The following ZNF521 variants were observed in gnomAD, a reference collection of about 807,000 sequenced individuals.
ZNF521 encodes the protein zinc finger protein 521, also known as LYST-interacting protein 3.
In ZNF521, 14 loss-of-function variants were observed where a neutral mutation model predicts 105.5. The observed-to-expected ratio is 0.13, with a 90% CI of 0.09 to 0.21. ZNF521 has a LOEUF of 0.21. ZNF521 is among the 10% of genes least tolerant of loss of function. The pLI is 1.00. For missense variants in ZNF521, 1,233 were observed against 1,629.7 expected (o/e 0.76, Z 4.19); for synonymous variants, 635 against 606.0 (o/e 1.05, Z -0.70).
intron 3 of ZNF521, among the ~76,000 whole-genome samples, chr18:25,250,647 C>A (rs565268192): frequency 1.3e-5 from 2 of 152,242 alleles, no homozygotes; most frequent in African/African-American, 4.8e-5. Flanking sequence ...TAGTGAACTC[C>A]GATGTTATCA....
chr18:25,157,370 C>T (rs8094859), intron 5 of ZNF521, among the ~76,000 whole-genome samples: 62,902 of 152,004 alleles, frequency 0.41, 13,267 homozygotes, highest in South Asian at 0.58. Context: ...GGTATTCACA[C>T]ACAAAGATAG....
chr18:25,091,816 T>A, intron 6 of ZNF521, 134 bp downstream of exon 6: 3 of 1,113,508 alleles, frequency 2.7e-6, no homozygotes, highest in Non-Finnish European at 3.7e-6. Context: ...AAAGCAGAAA[T>A]CAAACATCTT....
chr18:25,172,647 C>T (rs538683898), intron 5 of ZNF521, among the ~76,000 whole-genome samples: 40 of 152,182 alleles, frequency 2.6e-4, no homozygotes, highest in African/African-American at 7.9e-4. Context: ...TTACTAAATG[C>T]GTTTTAGAGT....
Position 25,227,079 on chromosome 18 carries a change from G to C in ZNF521, c.839C>G (p.Ala280Gly), listed in dbSNP as rs750181504. The change falls in exon 4 of 8, where the codon GCC becomes GGC. Residue 280 changes from alanine to glycine, a missense_variant. This residue lies in a region of ZNF521 where 380 missense variants were observed against 478.0 expected (regional missense o/e 0.80). Coordinates refer to ENST00000361524, the MANE Select transcript of ZNF521 (RefSeq NM_015461.3). This position sits in a 1 kb window ranked among gnomAD's most constrained non-coding sequence, Gnocchi z 5.7. ...CTCGTGGCAGTAGACACACTGGAGGGCCGCTCGGTCCTCATTTGGGGAGCA... is the reference window on the plus strand; with the variant it reads ...CTCGTGGCAGTAGACACACTGGAGGCCCGCTCGGTCCTCATTTGGGGAGCA... ...PECSPNEDRAALQCVYCHELF... is the reference protein window; with the variant it reads ...PECSPNEDRAGLQCVYCHELF... 6.2e-7 allele frequency: 1 copy of C among 1,614,128 alleles called. No individual in the cohort carries two copies. Among genetic ancestry groups the C allele is most frequent in the South Asian group, 1.1e-5 (1 of 91,078 alleles).
At chr18:25,152,895 G>A (rs1428042389) in intron 5 of ZNF521, among the ~76,000 whole-genome samples, 2 of 152,154 alleles carry the variant, frequency 1.3e-5, no homozygotes, top group African/African-American at 2.4e-5. Flanking sequence ...CAGAGCTACT[G>A]CTTTTCTACA....
At chr18:25,280,701 T>C (rs1252407645) in intron 3 of ZNF521, among the ~76,000 whole-genome samples, 1 of 152,216 alleles carries the variant, frequency 6.6e-6, no homozygotes, top group Non-Finnish European at 1.5e-5. Context: ...TAAATGTTGA[T>C]ATCACCCTTA....
intron 5 of ZNF521, among the ~76,000 whole-genome samples, chr18:25,097,015 C>A (rs1461964078): frequency 6.6e-6 from 1 of 152,124 alleles, no homozygotes; most frequent in Non-Finnish European, 1.5e-5. Flanking sequence ...TATGCCCTAA[C>A]CCAATTCCCA....
At chr18:25,135,339 C>T (rs2034713985) in intron 5 of ZNF521, among the ~76,000 whole-genome samples, 1 of 150,398 alleles carries the variant, frequency 6.6e-6, no homozygotes, top group African/African-American at 2.5e-5. Context: ...TAATGCAACT[C>T]CTTGAGGCTA....
intron 3 of ZNF521, among the ~76,000 whole-genome samples, chr18:25,299,455 T>C (rs1023695544): frequency 6.6e-6 from 1 of 152,198 alleles, no homozygotes; most frequent in African/African-American, 2.4e-5. Flanking sequence ...TTCAAGATTA[T>C]GGTAACTATG....
At chr18:25,271,455 G>C (rs1909654885) in intron 3 of ZNF521, among the ~76,000 whole-genome samples, 1 of 152,158 alleles carries the variant, frequency 6.6e-6, no homozygotes, top group Admixed American at 6.5e-5. Context: ...AGCCTGCATA[G>C]CCATGACAAT....
chr18:25,253,870 G>A (rs1301401454), intron 3 of ZNF521, among the ~76,000 whole-genome samples: 1 of 152,060 alleles, frequency 6.6e-6, no homozygotes, highest in African/African-American at 2.4e-5. Context: ...ATGTGGGGGG[G>A]AACTATTTGC....
intron 3 of ZNF521, among the ~76,000 whole-genome samples, chr18:25,296,492 C>T (rs770673843): frequency 6.6e-6 from 1 of 152,118 alleles, no homozygotes; most frequent in East Asian, 1.9e-4. Flanking sequence ...TCTAATAGAA[C>T]CCCATCGCTG....
intron 5 of ZNF521, among the ~76,000 whole-genome samples, chr18:25,144,315 C>G (rs988368784): frequency 6.6e-6 from 1 of 152,096 alleles, no homozygotes; most frequent in African/African-American, 2.4e-5. Context: ...TTTTAGCCAC[C>G]CCATGCAGAT....
intron 7 of ZNF521, among the ~76,000 whole-genome samples, chr18:25,070,452 C>A (rs912938977): frequency 6.6e-6 from 1 of 152,142 alleles, no homozygotes; most frequent in African/African-American, 2.4e-5. Flanking sequence ...TCATCCAAAG[C>A]AACCTAGAAG....
chr18:25,131,512 C>T (rs1158887805), intron 5 of ZNF521, among the ~76,000 whole-genome samples: 3 of 152,156 alleles, frequency 2.0e-5, no homozygotes, highest in Non-Finnish European at 4.4e-5. Flanking sequence ...TTTTCCTGTG[C>T]TCCAGTTGAT....
chr18:25,240,432 G>A lies in ZNF521; in HGVS notation c.221-12735C>T, dbSNP rs754687526. ...ACTAAAGGAGAGTAAGGGAAAGTGG[G>A]GAACAGTAGTCAAGAGACAAGGAAC... On this transcript the variant is annotated intron_variant, in intron 3 of 7. Coordinates refer to ENST00000361524, the MANE Select transcript of ZNF521 (RefSeq NM_015461.3). Among the ~76,000 whole-genome samples the A allele has an allele frequency of 2.3e-4, 35 of 152,104 alleles. 1 individual carries two copies. The highest frequency in any genetic ancestry group is 4.7e-4 in the Non-Finnish European group (32 of 68,014).
Position 25,226,606 on chromosome 18 carries a change from T to C in ZNF521, c.1312A>G (p.Ile438Val). 1.2e-6 allele frequency: 2 copies of C among 1,614,138 alleles called. No individual in the cohort carries two copies. The highest frequency in any genetic ancestry group is 1.7e-6 in the Non-Finnish European group (2 of 1,180,012). ...MHLDKPEQAH[I>V]CQYCLEVLPS... ...AGGACCTCCAAGCAATACTGACAAA[T>C]ATGGGCCTGTTCTGGCTTATCTAAG... Residue 438 changes from isoleucine (I) to valine (V), a missense_variant, in exon 4 of 8, where the codon ATT (isoleucine) becomes GTT (valine). Physicochemically the swap from Ile to Val is conservative, Grantham distance 29. Coordinates refer to ENST00000361524, the MANE Select transcript of ZNF521 (RefSeq NM_015461.3). This position sits in a 1 kb window ranked among gnomAD's most constrained non-coding sequence, Gnocchi z 4.1.
At chr18:25,183,350 T>A (rs1179316091) in intron 5 of ZNF521, among the ~76,000 whole-genome samples, 1 of 152,202 alleles carries the variant, frequency 6.6e-6, no homozygotes, top group African/African-American at 2.4e-5. Flanking sequence ...TAACATGCTA[T>A]AATGTCAAGT....
In ZNF521 at chr18:25,226,939, T is replaced by C. The variant is rs745590294; in HGVS notation, c.979A>G (p.Ser327Gly). 1.9e-6 allele frequency: 3 copies of C among 1,614,040 alleles called. No homozygotes were observed. The highest frequency in any genetic ancestry group is 2.5e-6 in the Non-Finnish European group (3 of 1,180,018). Residue 327 changes from serine to glycine, a missense_variant, in exon 4 of 8, where the codon AGC (serine) becomes GGC (glycine). Physicochemically the swap from Ser to Gly is moderately conservative, Grantham distance 56. This residue lies in a region of ZNF521 where 380 missense variants were observed against 478.0 expected (regional missense o/e 0.80). Coordinates refer to ENST00000361524, the MANE Select transcript of ZNF521 (RefSeq NM_015461.3). This position sits in a 1 kb window ranked among gnomAD's most constrained non-coding sequence, Gnocchi z 4.1. ...ESFHTVEELYSHMDSHQQPES... is the reference protein window; with the variant it reads ...ESFHTVEELYGHMDSHQQPES... ...GGTTGCTGGTGACTGTCCATGTGGC[T>C]GTACAGTTCCTCAACTGTGTGGAAA...
Sources: gnomAD v4.1 joint callset for allele counts (sites outside exome capture counted in the v4.1 genomes callset) on GRCh38, gnomAD v4.1.1 for gene constraint, gnomAD v4.1.1 regional missense constraint, Gnocchi (gnomAD v3.1) non-coding constraint, MANE v1.5 for transcripts, NCBI Gene and HGNC (gene_info 2026-07-23, HGNC 2026-07-21) for gene names.